Variants in ST6GALNAC3 observed in about 807,000 individuals in gnomAD.
The protein encoded by ST6GALNAC3 is alpha-N-acetylgalactosaminide alpha-2,6-sialyltransferase 3.
ST6GALNAC3 carries 25 observed loss-of-function variants against 32.7 expected under a neutral mutation model. The observed-to-expected ratio is 0.76, with a 90% confidence interval of 0.56 to 1.07. ST6GALNAC3 has a LOEUF of 1.07. Ranked by LOEUF, ST6GALNAC3 falls within the 50% of genes least tolerant of loss-of-function variation. The pLI, the probability that ST6GALNAC3 is intolerant of heterozygous loss-of-function variation, is 0.00. For synonymous variants in ST6GALNAC3, 129 were observed against 133.1 expected (o/e 0.97, Z 0.21); for missense variants, 355 against 382.4 (o/e 0.93, Z 0.60).
intron 1 of ST6GALNAC3, among the ~76,000 whole-genome samples, chr1:76,242,889 A>G (rs1476960846): frequency 6.6e-6 from 1 of 152,166 alleles, no homozygotes; most frequent in African/African-American, 2.4e-5. Context: ...AGAATTTGCT[A>G]TTGTAAATAG....
chr1:76,310,340 A>G (rs560198628), intron 1 of ST6GALNAC3, among the ~76,000 whole-genome samples: 1 of 152,268 alleles, frequency 6.6e-6, no homozygotes, highest in Non-Finnish European at 1.5e-5. Context: ...TAATGATTCC[A>G]CAGAGGAGCA....
chr1:76,275,637 C>T (rs1422056079), intron 1 of ST6GALNAC3, among the ~76,000 whole-genome samples: 1 of 152,072 alleles, frequency 6.6e-6, no homozygotes, highest in Non-Finnish European at 1.5e-5. Context: ...TTCTGTTTGC[C>T]TTCCTGATTC....
chr1:76,607,447 C>T (rs1488719461), intron 3 of ST6GALNAC3, among the ~76,000 whole-genome samples: 3 of 152,112 alleles, frequency 2.0e-5, no homozygotes, highest in Admixed American at 6.6e-5. Flanking sequence ...ATAATTGGTT[C>T]CCCTGGCAAC....
chr1:76,487,050 G>C (rs181843070), intron 3 of ST6GALNAC3, among the ~76,000 whole-genome samples: 10 of 152,220 alleles, frequency 6.6e-5, no homozygotes, highest in African/African-American at 2.4e-4. Flanking sequence ...GTTGAATATT[G>C]GCCCCTACTC....
At chr1:76,477,406 G>T (rs1244601224) in intron 3 of ST6GALNAC3, among the ~76,000 whole-genome samples, 1 of 152,146 alleles carries the variant, frequency 6.6e-6, no homozygotes, top group African/African-American at 2.4e-5. Flanking sequence ...GGTCTTCTGT[G>T]AGCCAGGCCA....
At chr1:76,294,371 A>T (rs1051663816) in intron 1 of ST6GALNAC3, among the ~76,000 whole-genome samples, 1 of 151,992 alleles carries the variant, frequency 6.6e-6, no homozygotes, top group East Asian at 1.9e-4. Context: ...TAAAAAAAAA[A>T]CCTTTGAAAT....
At chr1:76,436,928 A>G (rs185120747) in intron 3 of ST6GALNAC3, among the ~76,000 whole-genome samples, 9 of 152,236 alleles carry the variant, frequency 5.9e-5, no homozygotes, top group Admixed American at 5.9e-4. Flanking sequence ...GAACCTTGGC[A>G]TATCCTAGGA....
intron 1 of ST6GALNAC3, among the ~76,000 whole-genome samples, chr1:76,312,358 G>A (rs963644114): frequency 6.6e-6 from 1 of 152,064 alleles, no homozygotes; most frequent in African/African-American, 2.4e-5. Context: ...CAGGACATAG[G>A]CATGGGCAAA....
intron 2 of ST6GALNAC3, among the ~76,000 whole-genome samples, chr1:76,325,624 C>T (rs1647053148): frequency 6.6e-6 from 1 of 150,408 alleles, no homozygotes; most frequent in East Asian, 2.0e-4. Flanking sequence ...AGGTATCTTT[C>T]CCAGAGCTCA....
chr1:76,225,162 T>C (rs1445933500), intron 1 of ST6GALNAC3, among the ~76,000 whole-genome samples: 2 of 152,128 alleles, frequency 1.3e-5, no homozygotes, highest in Non-Finnish European at 2.9e-5. Context: ...AAAGTGTATT[T>C]GATGCAACAA....
intron 2 of ST6GALNAC3, among the ~76,000 whole-genome samples, chr1:76,389,460 G>T (rs1008720331): frequency 2.0e-5 from 3 of 152,148 alleles, no homozygotes; most frequent in African/African-American, 7.2e-5. Context: ...TTTCCTCCAG[G>T]TTTCTTCTAC....
chr1:76,577,738 T>C (rs892035770), intron 3 of ST6GALNAC3, among the ~76,000 whole-genome samples: 3 of 152,020 alleles, frequency 2.0e-5, no homozygotes, highest in African/African-American at 7.2e-5. Context: ...TAATCAGAGA[T>C]TCCCGGCAGA....
intron 2 of ST6GALNAC3, among the ~76,000 whole-genome samples, chr1:76,396,393 A>AG (rs1402490184): frequency 6.6e-6 from 1 of 152,204 alleles, no homozygotes; most frequent in African/African-American, 2.4e-5. Context: ...TGAGCCCAGG[A>AG]GGTAGAGGCT....
At chr1:76,205,836 G>A (rs1216767407) in intron 1 of ST6GALNAC3, among the ~76,000 whole-genome samples, 4 of 46,346 alleles carry the variant, frequency 8.6e-5, no homozygotes, top group Non-Finnish European at 2.3e-4. Flanking sequence ...AAGCACTAGG[G>A]ATGTTAAAGA....
At chr1:76,435,336 G>T (rs1007621875) in intron 3 of ST6GALNAC3, among the ~76,000 whole-genome samples, 4 of 152,098 alleles carry the variant, frequency 2.6e-5, no homozygotes, top group African/African-American at 7.2e-5. Flanking sequence ...GAAAACAAAT[G>T]ATTAAATATA....
chr1:76,419,345 G>A (rs970828631), intron 3 of ST6GALNAC3, among the ~76,000 whole-genome samples: 25 of 152,120 alleles, frequency 1.6e-4, no homozygotes, highest in African/African-American at 5.3e-4. Context: ...TTCTCTAGAT[G>A]TAGTGGCTTT....
intron 1 of ST6GALNAC3, among the ~76,000 whole-genome samples, chr1:76,213,502 A>T (rs1655283128): frequency 6.6e-6 from 1 of 152,216 alleles, no homozygotes; most frequent in Non-Finnish European, 1.5e-5. Flanking sequence ...GTAGTTTCTT[A>T]GTATCATTAT....
intron 3 of ST6GALNAC3, among the ~76,000 whole-genome samples, chr1:76,477,763 A>T (rs1295994490): frequency 1.3e-5 from 2 of 152,148 alleles, no homozygotes; most frequent in Non-Finnish European, 2.9e-5. Context: ...CAATTCATTC[A>T]GTCATTTACC....
chr1:76,603,413 G>A (rs911365651), intron 3 of ST6GALNAC3, among the ~76,000 whole-genome samples: 3 of 152,138 alleles, frequency 2.0e-5, no homozygotes, highest in Non-Finnish European at 4.4e-5. Flanking sequence ...GCAGCCATAA[G>A]CATTAACAGA....
Sources: gnomAD v4.1 joint callset for allele counts (sites outside exome capture counted in the v4.1 genomes callset) on GRCh38, gnomAD v4.1.1 for gene constraint, MANE v1.5 for transcripts, NCBI Gene and HGNC (gene_info 2026-07-23, HGNC 2026-07-21) for gene names.